Variants in CIRBP observed in about 807,000 individuals in gnomAD.
CIRBP encodes cold inducible RNA binding protein, also known as cold-inducible RNA-binding protein.
Under a neutral mutation model 22.3 loss-of-function variants are expected in CIRBP, and 11 were observed. The ratio of observed to expected loss-of-function variants is 0.49; its 90% CI spans 0.31 to 0.82. The LOEUF (loss-of-function observed/expected upper bound fraction) is 0.82. Ranked by LOEUF, CIRBP falls within the 40% of genes least tolerant of loss-of-function variation. The pLI is 0.05. For synonymous variants in CIRBP, 216 were observed against 158.8 expected, an observed-to-expected ratio of 1.36 and a Z score of -2.71; for missense variants, 456 against 402.7, an observed-to-expected ratio of 1.13 and a Z score of -1.13.
At chr19:1,271,066 G>T in intron 2 of CIRBP, 30 bp downstream of exon 2, 1 of 1,610,924 alleles carries the variant, frequency 6.2e-7, no homozygotes, top group Non-Finnish European at 8.5e-7. Context: ...CGCGGCCCTG[G>T]GCGGGGGGGC....
chr19:1,272,471 C>G lies in CIRBP; in HGVS notation c.*28C>G. ...ACCCTTCCTGCTCAAGATCGTCCTT[C>G]CAATGGCTGTGTGTTTAAAGATTGT... On this transcript the variant is annotated 3_prime_UTR_variant, in exon 6 of 6. Coordinates refer to ENST00000587896, the MANE Select transcript of CIRBP (RefSeq NM_001300829.2). 1 of 1,496,210 alleles carries G rather than the reference C, an allele frequency of 6.7e-7. No homozygotes were observed. The highest frequency in any genetic ancestry group is 9.0e-7 in the Non-Finnish European group (1 of 1,113,108). 92.7% of individuals were successfully genotyped at this position (1,496,210 alleles called of 1,614,324 possible).
chr19:1,273,995 A>G lies in CIRBP; in HGVS notation c.*1552A>G, dbSNP rs577671614. ...CCCCGCCTTTTGGATTTTTTGCTCA[A>G]TTGACCGTCTTTTCCAGACCTCTTT... On this transcript the variant is annotated 3_prime_UTR_variant, in exon 6 of 6. Coordinates refer to ENST00000587896, the MANE Select transcript of CIRBP (RefSeq NM_001300829.2). 1.9e-5 allele frequency: 5 copies of G among 259,302 alleles called. No homozygotes were observed. In the Admixed American group the frequency reaches 2.8e-4, roughly 14 times the overall value. 16.1% of individuals were successfully genotyped at this position (259,302 alleles called of 1,614,324 possible).
chr19:1,274,186 T>C lies in CIRBP; in HGVS notation c.*1743T>C, dbSNP rs2081386048. ...TGCTGGCCTGTGACGGAGCCTGAGGTCACAGCCCCCTGACTAGCCTGAGAC... is the reference window on the plus strand; with the variant it reads ...TGCTGGCCTGTGACGGAGCCTGAGGCCACAGCCCCCTGACTAGCCTGAGAC... On this transcript the variant is annotated 3_prime_UTR_variant, in exon 6 of 6. Transcript: ENST00000587896. 2.5e-6 allele frequency: 1 copy of C among 397,576 alleles called. No homozygotes were observed. The highest frequency in any genetic ancestry group is 4.4e-6 in the Non-Finnish European group (1 of 225,200). The allele number at this position is 397,576 out of a possible 1,614,324, so 24.6% of individuals were successfully genotyped here. A position where few individuals can be genotyped will look rare whatever the true frequency, so the allele number is the denominator to read the frequency against.
At chr19:1,270,495 C>T (rs1180560011) in intron 1 of CIRBP, among the ~76,000 whole-genome samples, 2 of 152,080 alleles carry the variant, frequency 1.3e-5, no homozygotes, top group African/African-American at 4.8e-5. Flanking sequence ...TGGCTGGGTG[C>T]GGTGGCTCAC....
Position 1,271,628 on chromosome 19 carries a change from A to C in CIRBP, c.427A>C (p.Ser143Arg). 2 of 1,512,282 alleles carry C rather than the reference A, an allele frequency of 1.3e-6. No homozygotes were observed. Among genetic ancestry groups the C allele is most frequent in the Non-Finnish European group, 1.8e-6 (2 of 1,113,576 alleles). The allele number at this position is 1,512,282 out of a possible 1,614,324, so 93.7% of individuals were successfully genotyped here. The change falls in exon 5 of 6, where the codon AGC becomes CGC. Residue 143 changes from serine (S) to arginine (R), a missense_variant. Physicochemically the swap from Ser to Arg is moderately radical, Grantham distance 110 (BLOSUM62 -1). Coordinates refer to ENST00000587896, the MANE Select transcript of CIRBP (RefSeq NM_001300829.2). ...CTACGGAGGCTCCAGAGACTACTAT[A>C]GCAGGTGAGGGGGAGGCCGGCCCAA... The part of the protein sequence containing the change: ...GGYGGSRDYY[S>R]SRSQSGGYSD...
rs546570519 is a variant in CIRBP, at chr19:1,274,097, C to A, written c.*1654C>A. On this transcript the variant is annotated 3_prime_UTR_variant, in exon 6 of 6. Transcript: ENST00000587896. ...TTTTTCTAGAGCCCACACTGGCCCA[C>A]ATAGCTCCATCCCATACGGGTAGCT... 1 of 388,396 alleles carries A rather than the reference C, an allele frequency of 2.6e-6. No individual in the cohort carries two copies. The highest frequency in any genetic ancestry group is 4.5e-6 in the Non-Finnish European group (1 of 219,996). 24.1% of individuals were successfully genotyped at this position (388,396 alleles called of 1,614,324 possible).
intron 1 of CIRBP, 49 bp from the exon 2 acceptor site, chr19:1,270,879 G>A: frequency 8.9e-7 from 1 of 1,119,220 alleles, no homozygotes; most frequent in South Asian, 1.2e-5. Flanking sequence ...AGCGGGGAGA[G>A]GTGGTGAGAG....
At chr19:1,271,861 T>G in intron 5 of CIRBP, 120 bp from the exon 6 acceptor site, 1 of 880,042 alleles carries the variant, frequency 1.1e-6, no homozygotes, top group Non-Finnish European at 1.8e-6. Flanking sequence ...GCTGCCCTGC[T>G]GGGGTCCTTG....
intron 1 of CIRBP, chr19:1,269,753 C>T (rs1222316206): frequency 8.0e-5 from 32 of 401,836 alleles, no homozygotes; most frequent in East Asian, 2.0e-4. Context: ...GGCCACGTGG[C>T]GCCCCCGGTC....
rs755526469 is a variant in CIRBP at position 1,272,365 on chromosome 19, T to C, written c.816T>C (p.Ser272=). ...PGRRPRPGLA[S]GVKLPLVASV... ...GCAGGCCGCGCCCTGGTCTGGCCTC[T>C]GGGGTGAAGCTGCCTCTTGTTGCTT... Residue 272 remains serine, a synonymous_variant, in exon 6 of 6, where the codon TCT becomes TCC. Transcript: ENST00000587896. The C allele has an allele frequency of 3.1e-6, 5 of 1,608,338 alleles. No homozygotes were observed. Among genetic ancestry groups the C allele is most frequent in the South Asian group, 1.1e-5 (1 of 90,386 alleles).
intron 3 of CIRBP, 31 bp from the exon 4 acceptor site, chr19:1,271,297 AC>A (rs1323795986): frequency 1.2e-6 from 2 of 1,613,896 alleles, no homozygotes; most frequent in Non-Finnish European, 1.7e-6. Flanking sequence ...TGGGGCACCC[AC>A]CTGCTAACCC....
Position 1,274,653 on chromosome 19 carries a change from C to T in CIRBP, c.*2210C>T, listed in dbSNP as rs1473087996. ...CTCCCTTCCTCCTCCTTCCAGGAGG[C>T]GCTTCGCCAGTGAGGTGCGGGCTCA... On this transcript the variant is annotated 3_prime_UTR_variant, in exon 6 of 6. Transcript: ENST00000587896. 8.9e-6 allele frequency: 2 copies of T among 225,488 alleles called. No individual in the cohort carries two copies. Among genetic ancestry groups the T allele is most frequent in the Middle Eastern group, 1.3e-3 (1 of 768 alleles). The allele number at this position is 225,488 out of a possible 1,614,324, so 14.0% of individuals were successfully genotyped here.
rs1203036275 is a variant in CIRBP, at chr19:1,274,014, C to T, written c.*1571C>T. The T allele has an allele frequency of 6.9e-6, 2 of 289,860 alleles. No homozygotes were observed. Among genetic ancestry groups the T allele is most frequent in the Non-Finnish European group, 1.3e-5 (2 of 157,390 alleles). The allele number at this position is 289,860 out of a possible 1,614,324, so 18.0% of individuals were successfully genotyped here. On this transcript the variant is annotated 3_prime_UTR_variant, in exon 6 of 6. Coordinates refer to ENST00000587896, the MANE Select transcript of CIRBP (RefSeq NM_001300829.2). ...TGCTCAATTGACCGTCTTTTCCAGA[C>T]CTCTTTAAGTCACACTCTTAACTTA... is the stretch of plus-strand genomic sequence containing the variant.
intron 1 of CIRBP, chr19:1,269,976 C>T (rs1442060108): frequency 7.7e-6 from 4 of 519,932 alleles, no homozygotes; most frequent in South Asian, 5.6e-5. Context: ...GCACAGCTCC[C>T]AGTGCCAGAC....
In CIRBP at chr19:1,271,570, TG is replaced by T; in HGVS notation, c.375del (p.Asn126ThrfsTer70). 1.9e-6 allele frequency: 3 copies of T among 1,562,530 alleles called. No homozygotes were observed. Among genetic ancestry groups the T allele is most frequent in the South Asian group, 1.2e-5 (1 of 86,232 alleles). ...GTGCAGGAGGAGGGGACCGAGGCTA[TG>T]GGGGGAACCGGTTCGAGTCCAGGAG... ...FSRGGGDRGYGGNRFESRSGG... is the reference protein window; with the variant it reads ...FSRGGGDRGYXGNRFESRSGG... On this transcript the variant is annotated frameshift_variant, in exon 5 of 6. Transcript: ENST00000587896. LOFTEE classifies it high-confidence loss of function.
intron 3 of CIRBP, 39 bp from the exon 4 acceptor site, chr19:1,271,290 G>A: frequency 6.2e-7 from 1 of 1,614,028 alleles, no homozygotes; most frequent in African/African-American, 1.3e-5. Context: ...TCGAGGATGG[G>A]GCACCCACCT....
intron 1 of CIRBP, among the ~76,000 whole-genome samples, chr19:1,270,705 G>T (rs1401978724): frequency 6.6e-6 from 1 of 152,134 alleles, no homozygotes; most frequent in African/African-American, 2.4e-5. Flanking sequence ...CCCAGGAGGT[G>T]GAGGCTGCAG....
At chr19:1,270,311 T>C (rs1219126580) in intron 1 of CIRBP, 2 of 360,372 alleles carry the variant, frequency 5.5e-6, no homozygotes, top group African/African-American at 4.3e-5. Context: ...TGTCAGTTGG[T>C]TAGGGTAGGA....
intron 2 of CIRBP, 38 bp downstream of exon 2, chr19:1,271,074 G>C (rs760895739): frequency 1.4e-5 from 22 of 1,609,624 alleles, no homozygotes; most frequent in Non-Finnish European, 1.8e-5. Context: ...TGGGCGGGGG[G>C]GCTTGTGCTC....
Sources: allele counts gnomAD v4.1 joint callset (sites outside exome capture counted in the v4.1 genomes callset), GRCh38; gene constraint gnomAD v4.1.1; transcripts MANE v1.5; gene names NCBI Gene and HGNC (gene_info 2026-07-23, HGNC 2026-07-21).